Variants in HIF1A observed in about 807,000 individuals in gnomAD.
The protein encoded by HIF1A is hypoxia inducible factor 1 subunit alpha.
Under a neutral mutation model 92.7 loss-of-function variants are expected in HIF1A, and 24 were observed. That is an observed-to-expected ratio of 0.26 (90% CI 0.19 to 0.36). The LOEUF (loss-of-function observed/expected upper bound fraction) is 0.36, where lower values mean the gene tolerates loss of function less well. HIF1A is among the 10% of genes least tolerant of loss of function. HIF1A has a pLI of 1.00. For synonymous variants in HIF1A, 319 were observed against 338.7 expected (o/e 0.94, Z 0.64); for missense variants, 799 against 998.5 (o/e 0.80, Z 2.69).
chr14:61,735,986 T>G (rs2044632048), intron 8 of HIF1A, among the ~76,000 whole-genome samples: 1 of 18,884 alleles, frequency 5.3e-5, no homozygotes, highest in African/African-American at 7.4e-5. Context: ...TCTGAAATTC[T>G]TTTTTTCTTT....
intron 13 of HIF1A, 50 bp from the exon 14 acceptor site, chr14:61,745,641 T>TA (rs753838832): frequency 2.4e-3 from 3,352 of 1,413,494 alleles, no homozygotes; most frequent in Non-Finnish European, 2.7e-3. Context: ...TTTGGTTGTT[T>TA]AAAAAAAAAA....
Position 61,738,245 on chromosome 14 carries a change from C to G in HIF1A, c.1408C>G (p.Leu470Val), listed in dbSNP as rs774379890. The G allele has an allele frequency of 1.9e-6, 3 of 1,614,154 alleles. No homozygotes were observed. Among genetic ancestry groups the G allele is most frequent in the Non-Finnish European group, 2.5e-6 (3 of 1,180,026 alleles). Residue 470 changes from leucine (L) to valine (V), a missense_variant, in exon 10 of 15, where the codon CTC becomes GTC. This residue lies in a region of HIF1A where 516 missense variants were observed against 721.0 expected (regional missense o/e 0.72). Transcript: ENST00000337138. ...KPLRSSADPA[L>V]NQEVALKLEP... ...ACTTCGAAGTAGTGCTGACCCTGCA[C>G]TCAATCAAGAAGTTGCATTAAAATT... is the stretch of plus-strand genomic sequence containing the variant.
rs1478134881 is a variant in HIF1A, at chr14:61,745,672, ATAACT to A, written c.2203-17_2203-13del. On this transcript the variant is annotated splice_polypyrimidine_tract_variant and intron_variant, in intron 13 of 14. Transcript: ENST00000337138. ...AAAAATTCAACAAACTAAACTTGAA[ATAACT>A]TTACTGTTTATAGGGAACATTATTA... is the stretch of plus-strand genomic sequence containing the variant. 6.3e-7 allele frequency: 1 copy of A among 1,596,276 alleles called. No homozygotes were observed. Among genetic ancestry groups the A allele is most frequent in the African/African-American group, 1.4e-5 (1 of 73,948 alleles).
At chr14:61,707,605 C>T (rs2044255134) in intron 1 of HIF1A, among the ~76,000 whole-genome samples, 1 of 151,724 alleles carries the variant, frequency 6.6e-6, no homozygotes, top group Admixed American at 6.6e-5. Context: ...TGGTTTCCGG[C>T]TTCATCCATG....
chr14:61,739,266 C>T (rs2044677310), intron 10 of HIF1A, among the ~76,000 whole-genome samples: 2 of 152,148 alleles, frequency 1.3e-5, no homozygotes, highest in Admixed American at 1.3e-4. Context: ...TATTAATTGT[C>T]CTATGAACAC....
At position 61,695,730 on chromosome 14, in the gene HIF1A, G is replaced by T; in HGVS notation, c.-75G>T. 1 of 1,492,890 alleles carries T rather than the reference G, an allele frequency of 6.7e-7. No homozygotes were observed. Among genetic ancestry groups the T allele is most frequent in the East Asian group, 2.4e-5 (1 of 41,290 alleles). 92.5% of individuals were successfully genotyped at this position (1,492,890 alleles called of 1,614,324 possible). On this transcript the variant is annotated 5_prime_UTR_variant, in exon 1 of 15. Coordinates refer to ENST00000337138, the MANE Select transcript of HIF1A (RefSeq NM_001530.4). ...GCCTTTCCTTCTCTTCTCCGCGTGT[G>T]GAGGGAGCCAGCGCTTAGGCCGGAG...
chr14:61,700,141 ATTG>A (rs1206803584), intron 1 of HIF1A, among the ~76,000 whole-genome samples: 4 of 152,174 alleles, frequency 2.6e-5, no homozygotes, highest in African/African-American at 7.2e-5. Flanking sequence ...ATAGCTTTTG[ATTG>A]TTTTTTAAAA....
intron 7 of HIF1A, among the ~76,000 whole-genome samples, chr14:61,732,752 A>G (rs890978170): frequency 1.3e-5 from 2 of 152,268 alleles, no homozygotes; most frequent in African/African-American, 4.8e-5. Flanking sequence ...TTTTAAATAC[A>G]AAGACTTTTG....
intron 2 of HIF1A, 30 bp from the exon 3 acceptor site, chr14:61,721,479 A>T: frequency 6.3e-7 from 1 of 1,581,910 alleles, no homozygotes; most frequent in Admixed American, 1.8e-5. Flanking sequence ...TTTTTAACTA[A>T]TTATTTTCCT....
Position 61,740,507 on chromosome 14 carries a change from T to C in HIF1A, c.1539T>C (p.Pro513=), listed in dbSNP as rs760889366. 1.9e-6 allele frequency: 3 copies of C among 1,576,864 alleles called. No individual in the cohort carries two copies. The highest frequency in any genetic ancestry group is 8.6e-7 in the Non-Finnish European group (1 of 1,159,284). ...AGTAAACATATTTCTTTTTACAGCC[T>C]AATAGTCCCAGTGAATATTGTTTTT... The part of the protein sequence containing the change: ...DGSTRQSSPE[P]NSPSEYCFYV... Residue 513 remains proline (P), a splice_region_variant and synonymous_variant, in exon 11 of 15, where the codon CCT becomes CCC. Transcript: ENST00000337138.
chr14:61,698,986 A>G (rs946613587), intron 1 of HIF1A: 2 of 152,246 alleles, frequency 1.3e-5, no homozygotes, highest in African/African-American at 4.8e-5. Flanking sequence ...CAAAGTTTAG[A>G]CAATTTTATA....
intron 13 of HIF1A, 81 bp downstream of exon 13, chr14:61,744,894 T>TGTGTGTGTG: frequency 3.8e-6 from 2 of 521,038 alleles, no homozygotes; most frequent in South Asian, 3.2e-5. Context: ...TGTGTGTGTG[T>TGTGTGTGTG]TTCCACGTTT....
intron 1 of HIF1A, among the ~76,000 whole-genome samples, chr14:61,714,625 ATG>A (rs113055387): frequency 0.042 from 6,437 of 152,304 alleles, 167 homozygotes; most frequent in East Asian, 0.15. Context: ...TCATTATAGT[ATG>A]TGTGTTAGCT....
chr14:61,738,067 C>G lies in HIF1A; in HGVS notation c.1250-20C>G. 1 of 1,551,510 alleles carries G rather than the reference C, an allele frequency of 6.4e-7. No homozygotes were observed. Among genetic ancestry groups the G allele is most frequent in the Non-Finnish European group, 8.7e-7 (1 of 1,147,780 alleles). On this transcript the variant is annotated intron_variant, in intron 9 of 14. Coordinates refer to ENST00000337138, the MANE Select transcript of HIF1A (RefSeq NM_001530.4). ...AAAATCCTTCTATACTTTAGATTGA[C>G]TCATATTTTTTCCCCACAGACACAG... is the stretch of plus-strand genomic sequence containing the variant.
chr14:61,721,478 A>T, intron 2 of HIF1A, 31 bp from the exon 3 acceptor site: 1 of 1,575,454 alleles, frequency 6.3e-7, no homozygotes, highest in Admixed American at 1.8e-5. Context: ...CTTTTTAACT[A>T]ATTATTTTCC....
At chr14:61,732,373 A>G (rs2044586525) in intron 6 of HIF1A, 45 bp from the exon 7 acceptor site, 2 of 1,285,830 alleles carry the variant, frequency 1.6e-6, no homozygotes, top group Non-Finnish European at 2.2e-6. Context: ...TTTCTTTATC[A>G]GTGTCTCCCT....
chr14:61,746,201 G>A (rs1249612151), intron 14 of HIF1A, among the ~76,000 whole-genome samples: 1 of 148,298 alleles, frequency 6.7e-6, no homozygotes, highest in African/African-American at 2.5e-5. Context: ...TCCAGCCTGG[G>A]CGACAAGGGT....
chr14:61,728,720 CATT>C (rs1402792886), intron 6 of HIF1A, among the ~76,000 whole-genome samples: 1 of 152,162 alleles, frequency 6.6e-6, no homozygotes, highest in Non-Finnish European at 1.5e-5. Context: ...CCATTGAATT[CATT>C]AGCTCATTAT....
Position 61,740,986 on chromosome 14 carries a change from C to G in HIF1A, c.1891C>G (p.Arg631Gly). 3 of 1,613,978 alleles carry G rather than the reference C, an allele frequency of 1.9e-6. No homozygotes were observed. The highest frequency in any genetic ancestry group is 8.5e-7 in the Non-Finnish European group (1 of 1,179,862). ...TGAATTAAAAACAGTGACAAAAGACCGTATGGAAGACATTAAAATATTGAT... is the reference window on the plus strand; with the variant it reads ...TGAATTAAAAACAGTGACAAAAGACGGTATGGAAGACATTAAAATATTGAT... ...TDELKTVTKD[R>G]MEDIKILIAS... The change falls in exon 12 of 15, where the codon CGT becomes GGT. Residue 631 changes from arginine (R) to glycine (G), a missense_variant. Around this residue, in one of 2 missense-constraint regions of HIF1A, gnomAD observed 283 missense variants for 277.5 expected, o/e 1.02. Coordinates refer to ENST00000337138, the MANE Select transcript of HIF1A (RefSeq NM_001530.4).
Sources: allele counts gnomAD v4.1 joint callset (sites outside exome capture counted in the v4.1 genomes callset), GRCh38; gene constraint gnomAD v4.1.1; regional missense constraint gnomAD v4.1.1; transcripts MANE v1.5; gene names NCBI Gene and HGNC (gene_info 2026-07-23, HGNC 2026-07-21).